Variants in CTNNA2 observed in about 807,000 individuals in gnomAD.
CTNNA2 encodes catenin alpha 2.
Under a neutral mutation model 101.0 loss-of-function variants are expected in CTNNA2, and 42 were observed. That is an observed-to-expected ratio of 0.42 (90% confidence interval 0.32 to 0.54). The LOEUF (loss-of-function observed/expected upper bound fraction) is 0.54, where lower values mean the gene tolerates loss of function less well. Ranked by LOEUF, CTNNA2 falls within the 20% of genes least tolerant of loss-of-function variation. The pLI, the probability that CTNNA2 is intolerant of heterozygous loss-of-function variation, is 0.14. For missense variants in CTNNA2, 871 were observed against 1,223.1 expected (o/e 0.71, Z 4.29); for synonymous variants, 450 against 456.4 (o/e 0.99, Z 0.18).
intron 9 of CTNNA2, among the ~76,000 whole-genome samples, chr2:80,498,229 C>G (rs1328360180): frequency 6.6e-6 from 1 of 152,148 alleles, no homozygotes; most frequent in East Asian, 1.9e-4. Flanking sequence ...CACAGACTTT[C>G]ACAAAACCAG....
At chr2:79,324,154 G>T (rs966079489) in intron 3 of CTNNA2, among the ~76,000 whole-genome samples, 2 of 152,196 alleles carry the variant, frequency 1.3e-5, no homozygotes, top group Non-Finnish European at 2.9e-5. Flanking sequence ...ATAACATAAT[G>T]ACGCTTGGAT....
chr2:79,822,985 T>C (rs1678133901), intron 3 of CTNNA2, among the ~76,000 whole-genome samples: 1 of 152,322 alleles, frequency 6.6e-6, no homozygotes, highest in East Asian at 1.9e-4. Flanking sequence ...TGATGTATGC[T>C]GGTCTTTTGC....
intron 7 of CTNNA2, among the ~76,000 whole-genome samples, chr2:80,170,237 G>C (rs1056512348): frequency 3.4e-4 from 51 of 150,184 alleles, no homozygotes; most frequent in African/African-American, 1.2e-3. Flanking sequence ...CTCTCTGTGT[G>C]TGTGTGTGTG....
chr2:80,006,621 A>AT (rs1693371589), intron 7 of CTNNA2, among the ~76,000 whole-genome samples: 1 of 152,142 alleles, frequency 6.6e-6, no homozygotes, highest in Non-Finnish European at 1.5e-5. Context: ...CAGCCCGTGC[A>AT]AATTTCCACT....
At chr2:79,407,080 T>C (rs974926763) in intron 4 of CTNNA2, among the ~76,000 whole-genome samples, 3 of 152,074 alleles carry the variant, frequency 2.0e-5, no homozygotes, top group African/African-American at 7.2e-5. Flanking sequence ...GACTCATTTA[T>C]TTATTCCGTC....
At chr2:79,270,845 A>T (rs1675065509) in intron 2 of CTNNA2, among the ~76,000 whole-genome samples, 1 of 151,896 alleles carries the variant, frequency 6.6e-6, no homozygotes, top group Non-Finnish European at 1.5e-5. Context: ...ATCTCACCCT[A>T]CCTTTCCCTC....
At chr2:80,584,807 G>A (rs1695832719) in intron 14 of CTNNA2, among the ~76,000 whole-genome samples, 1 of 152,074 alleles carries the variant, frequency 6.6e-6, no homozygotes, top group South Asian at 2.1e-4. Flanking sequence ...TTAAGTTGGT[G>A]GTAATGGTGA....
intron 7 of CTNNA2, among the ~76,000 whole-genome samples, chr2:80,203,150 C>T (rs1033888819): frequency 6.6e-6 from 1 of 152,192 alleles, no homozygotes; most frequent in African/African-American, 2.4e-5. Context: ...ATGGGAACTA[C>T]AAGATGAGAT....
At chr2:79,577,440 A>G (rs1251390326) in intron 1 of CTNNA2, among the ~76,000 whole-genome samples, 1 of 152,084 alleles carries the variant, frequency 6.6e-6, no homozygotes, top group East Asian at 1.9e-4. Flanking sequence ...TCACTTTACA[A>G]TGATATGACA....
intron 9 of CTNNA2, among the ~76,000 whole-genome samples, chr2:80,543,197 A>C (rs772799906): frequency 1.3e-5 from 2 of 152,214 alleles, no homozygotes; most frequent in African/African-American, 2.4e-5. Flanking sequence ...AATGAACCAG[A>C]ATATAGAATA....
intron 2 of CTNNA2, among the ~76,000 whole-genome samples, chr2:79,232,458 G>T (rs557380460): frequency 3.9e-5 from 6 of 152,096 alleles, no homozygotes; most frequent in Non-Finnish European, 8.8e-5. Context: ...GATTCAGTTT[G>T]TCGAGTACCT....
chr2:79,323,283 A>G (rs1676665744), intron 3 of CTNNA2, among the ~76,000 whole-genome samples: 1 of 152,200 alleles, frequency 6.6e-6, no homozygotes, highest in South Asian at 2.1e-4. Flanking sequence ...GTCAAGAAAT[A>G]CTAGCCATTA....
chr2:79,238,677 G>T (rs1674586938), intron 2 of CTNNA2, among the ~76,000 whole-genome samples: 1 of 152,166 alleles, frequency 6.6e-6, no homozygotes, highest in African/African-American at 2.4e-5. Flanking sequence ...GATTGAAATA[G>T]ATAAGCATAA....
chr2:79,858,035 C>G lies in CTNNA2; in HGVS notation c.321C>G (p.Ser107=). 1 of 1,613,524 alleles carries G rather than the reference C, an allele frequency of 6.2e-7. No homozygotes were observed. The highest frequency in any genetic ancestry group is 8.5e-7 in the Non-Finnish European group (1 of 1,179,456). The change falls in exon 4 of 19, where the codon TCC becomes TCG. Residue 107 remains serine, a synonymous_variant. Coordinates refer to ENST00000402739, the MANE Select transcript of CTNNA2 (RefSeq NM_001282597.3). The part of the protein sequence containing the change: ...RKQGETMRIA[S]SEFADDPCSS... ...CAGGTGAGACGATGCGGATCGCCTC[C>G]TCCGAGTTTGCAGATGACCCTTGCT...
At chr2:79,413,844 A>G (rs1300693368) in intron 4 of CTNNA2, among the ~76,000 whole-genome samples, 3 of 150,540 alleles carry the variant, frequency 2.0e-5, no homozygotes, top group Admixed American at 6.7e-5. Context: ...TCACAAAACT[A>G]TTGGCCATTT....
intron 7 of CTNNA2, among the ~76,000 whole-genome samples, chr2:79,911,246 C>T (rs186018111): frequency 1.2e-4 from 18 of 152,230 alleles, no homozygotes; most frequent in Admixed American, 7.8e-4. Context: ...TTTGTTTGTT[C>T]GTTGTTGTTG....
chr2:79,453,811 G>A (rs1484505518), intron 4 of CTNNA2, among the ~76,000 whole-genome samples: 2 of 152,088 alleles, frequency 1.3e-5, no homozygotes, highest in South Asian at 4.1e-4. Context: ...TAACAAAATT[G>A]TGTTCTTTGG....
chr2:79,829,937 A>G (rs1391102018), intron 3 of CTNNA2, among the ~76,000 whole-genome samples: 2 of 151,964 alleles, frequency 1.3e-5, no homozygotes, highest in Non-Finnish European at 2.9e-5. Flanking sequence ...GCCCAAATAC[A>G]TGTTAAGGTA....
intron 7 of CTNNA2, among the ~76,000 whole-genome samples, chr2:79,998,031 T>C (rs1692678996): frequency 6.6e-6 from 1 of 152,188 alleles, no homozygotes; most frequent in Non-Finnish European, 1.5e-5. Context: ...AAATATGATT[T>C]AATTCTGCTT....
Sources: allele counts gnomAD v4.1 joint callset (sites outside exome capture counted in the v4.1 genomes callset), GRCh38; gene constraint gnomAD v4.1.1; transcripts MANE v1.5; gene names NCBI Gene and HGNC (gene_info 2026-07-23, HGNC 2026-07-21).